The following NKD1 variants were observed in gnomAD, a reference collection of about 807,000 sequenced individuals.
The protein encoded by NKD1 is protein naked cuticle homolog 1.
NKD1 carries 21 observed loss-of-function variants against 56.0 expected under a neutral mutation model. That is an observed-to-expected ratio of 0.38 (90% CI 0.27 to 0.54). The LOEUF is 0.54. Among genes scored for constraint, NKD1 ranks in the 20% least tolerant of loss-of-function variants. The pLI is 0.82. For missense variants in NKD1, 578 were observed against 642.7 expected (o/e 0.90, Z 1.09); for synonymous variants, 263 against 265.7 (o/e 0.99, Z 0.10).
At chr16:50,568,369 G>T (rs1960809053) in intron 3 of NKD1, among the ~76,000 whole-genome samples, 1 of 152,232 alleles carries the variant, frequency 6.6e-6, no homozygotes, top group Non-Finnish European at 1.5e-5. Flanking sequence ...GCCCCAGCTG[G>T]AGACACAGGA....
rs755243322 is a variant in NKD1 at position 50,549,499 on chromosome 16, G to A, written c.136G>A (p.Gly46Ser). The A allele has an allele frequency of 1.2e-5, 20 of 1,608,648 alleles. No homozygotes were observed. The highest frequency in any genetic ancestry group is 3.4e-5 in the Admixed American group (2 of 59,618). ...GATCGGGAGACAGCGCTGCCCGGGC[G>A]GTGTCTCGGGACCCCGACAGCTGCG... ...EWIGRQRCPG[G>S]VSGPRQLRLA... Residue 46 changes from glycine to serine, a missense_variant, in exon 3 of 10, where the codon GGT becomes AGT. Gly to Ser is a moderately conservative substitution (Grantham distance 56, BLOSUM62 0). Transcript: ENST00000268459.
chr16:50,626,644 C>T (rs144139714), intron 6 of NKD1, among the ~76,000 whole-genome samples: 332 of 152,306 alleles, frequency 2.2e-3, no homozygotes, highest in Non-Finnish European at 3.7e-3. Flanking sequence ...GCCTTGGAGG[C>T]CCTGGCAGGC....
intron 4 of NKD1, among the ~76,000 whole-genome samples, chr16:50,613,375 G>T (rs545661966): frequency 1.1e-4 from 17 of 152,210 alleles, no homozygotes; most frequent in Admixed American, 2.6e-4. Flanking sequence ...CAGGGCTGGC[G>T]GTGGCTTCCC....
chr16:50,608,661 A>C (rs1449361571), intron 4 of NKD1, among the ~76,000 whole-genome samples: 1 of 152,148 alleles, frequency 6.6e-6, no homozygotes, highest in East Asian at 1.9e-4. Flanking sequence ...TCCTCTGGGG[A>C]TAATAAGAGT....
chr16:50,633,494 C>T lies in NKD1; in HGVS notation c.1126C>T (p.Pro376Ser). 1 of 1,610,390 alleles carries T rather than the reference C, an allele frequency of 6.2e-7. No individual in the cohort carries two copies. Among genetic ancestry groups the T allele is most frequent in the Non-Finnish European group, 8.5e-7 (1 of 1,178,622 alleles). ...CAAGCCCCCTCTGGGACCCGCCATC[C>T]CTGCGGTGTCCCCCTCCGCCCACCT... The part of the protein sequence containing the change: ...RNKPPLGPAI[P>S]AVSPSAHLAA... Residue 376 changes from proline to serine, a missense_variant, in exon 10 of 10, where the codon CCT becomes TCT. Transcript: ENST00000268459. This position sits in a 1 kb window ranked among gnomAD's most constrained non-coding sequence, Gnocchi z 4.9.
In NKD1 at chr16:50,646,495, C is replaced by G. The variant is rs1021507308; in HGVS notation, c.*12714C>G. On this transcript the variant is annotated 3_prime_UTR_variant, in exon 10 of 10. Coordinates refer to ENST00000268459, the MANE Select transcript of NKD1 (RefSeq NM_033119.5). Reference sequence around the variant, plus strand: ...TGGGAGACATGGCGTGGGGAGGAGGCGGCCTTGTGGCAGGTGCTGGGAGGC... The same window carrying G: ...TGGGAGACATGGCGTGGGGAGGAGGGGGCCTTGTGGCAGGTGCTGGGAGGC... 1 of 152,174 alleles carries G rather than the reference C, an allele frequency of 6.6e-6. No homozygotes were observed. Among genetic ancestry groups the G allele is most frequent in the East Asian group, 1.9e-4 (1 of 5,180 alleles). The allele number at this position is 152,174 out of a possible 1,614,324, so 9.4% of individuals were successfully genotyped here. A position where few individuals can be genotyped will look rare whatever the true frequency, so the allele number is the denominator to read the frequency against.
chr16:50,637,917 T>G lies in NKD1; in HGVS notation c.*4136T>G, dbSNP rs531923495. On this transcript the variant is annotated 3_prime_UTR_variant, in exon 10 of 10. Transcript: ENST00000268459. ...TTTAAGGCAGACAGCCAGGTGAGGA[T>G]CCCAGCTACTGGGGCCTGCTGTCAT... 3 of 152,304 alleles carry G rather than the reference T, an allele frequency of 2.0e-5. No homozygotes were observed. The South Asian group carries it at 6.2e-4, about 32-fold the overall frequency. The allele number at this position is 152,304 out of a possible 1,614,324, so 9.4% of individuals were successfully genotyped here. A position where few individuals can be genotyped will look rare whatever the true frequency, so the allele number is the denominator to read the frequency against.
intron 3 of NKD1, among the ~76,000 whole-genome samples, chr16:50,581,034 A>C (rs983138161): frequency 8.5e-5 from 13 of 152,216 alleles, no homozygotes; most frequent in Admixed American, 7.2e-4. Flanking sequence ...TTCTTCATGG[A>C]GATGAAGAGT....
In NKD1 at chr16:50,635,662, A is replaced by C. The variant is rs1414702879; in HGVS notation, c.*1881A>C. The stretch of plus-strand genomic sequence containing the variant: ...AATCCTTAGGACAGCCCCATGAGGC[A>C]GCTTGGTGGCAGCTCAGGAAGCATG... On this transcript the variant is annotated 3_prime_UTR_variant, in exon 10 of 10. Coordinates refer to ENST00000268459, the MANE Select transcript of NKD1 (RefSeq NM_033119.5). The surrounding 1 kb of genome is among the most constrained non-coding windows in gnomAD (Gnocchi z 4.1). 6.6e-6 allele frequency: 1 copy of C among 152,240 alleles called. No homozygotes were observed. Among genetic ancestry groups the C allele is most frequent in the Non-Finnish European group, 1.5e-5 (1 of 68,046 alleles). 9.4% of individuals were successfully genotyped at this position (152,240 alleles called of 1,614,324 possible).
rs1301048812 is a variant in NKD1 at position 50,645,049 on chromosome 16, C to T, written c.*11268C>T. On this transcript the variant is annotated 3_prime_UTR_variant, in exon 10 of 10. Coordinates refer to ENST00000268459, the MANE Select transcript of NKD1 (RefSeq NM_033119.5). ...GCACTTCCTGCCCAGAAAGGACCTG[C>T]TCAGGCCTGGCTGGCCTTTACCACC... is the stretch of plus-strand genomic sequence containing the variant. 1.3e-5 allele frequency: 2 copies of T among 152,270 alleles called. No homozygotes were observed. The highest frequency in any genetic ancestry group is 1.9e-4 in the East Asian group (1 of 5,194). The allele number at this position is 152,270 out of a possible 1,614,324, so 9.4% of individuals were successfully genotyped here.
rs766526219 is a variant in NKD1 at position 50,630,329 on chromosome 16, G to C, written c.606G>C (p.Gln202His). 5 of 1,613,966 alleles carry C rather than the reference G, an allele frequency of 3.1e-6. No individual in the cohort carries two copies. Among genetic ancestry groups the C allele is most frequent in the Admixed American group, 1.7e-5 (1 of 60,006 alleles). ...GCAAGAGGAGCGTCCTTGTCAATCA[G>C]GCTGGTGAGGGCTGCAGGGCTGAGC... ...SQSKRSVLVN[Q>H]ADLQSARPRA... The change falls in exon 7 of 10, where the codon CAG (glutamine) becomes CAC (histidine). Residue 202 changes from glutamine to histidine, a missense_variant. Gln to His is a conservative substitution (Grantham distance 24). Transcript: ENST00000268459.
chr16:50,548,542 C>T lies in NKD1; in HGVS notation c.-12C>T, dbSNP rs1269343273. The T allele has an allele frequency of 1.4e-6, 2 of 1,465,904 alleles. No individual in the cohort carries two copies. Among genetic ancestry groups the T allele is most frequent in the South Asian group, 1.3e-5 (1 of 77,598 alleles). The allele number at this position is 1,465,904 out of a possible 1,614,324, so 90.8% of individuals were successfully genotyped here. A position where few individuals can be genotyped will look rare whatever the true frequency, so the allele number is the denominator to read the frequency against. On this transcript the variant is annotated 5_prime_UTR_variant, in exon 1 of 10. Transcript: ENST00000268459. The stretch of plus-strand genomic sequence containing the variant: ...ATGGCTTAGGGACGCTCCCGGCCGC[C>T]GCAGCCCCAGCATGGGGAAACTTCA...
intron 3 of NKD1, among the ~76,000 whole-genome samples, chr16:50,577,964 T>C (rs1243102465): frequency 6.6e-6 from 1 of 152,232 alleles, no homozygotes; most frequent in Non-Finnish European, 1.5e-5. Flanking sequence ...TCTTGACCCA[T>C]GTATTCTTCT....
At chr16:50,599,392 C>T (rs745516788) in intron 3 of NKD1, among the ~76,000 whole-genome samples, 1 of 152,126 alleles carries the variant, frequency 6.6e-6, no homozygotes, top group Non-Finnish European at 1.5e-5. Context: ...CTCATTTGTA[C>T]AAAGTCACAC....
At chr16:50,550,342 A>T (rs983843241) in intron 3 of NKD1, among the ~76,000 whole-genome samples, 2 of 151,314 alleles carry the variant, frequency 1.3e-5, no homozygotes, top group African/African-American at 4.8e-5. Context: ...CAACTTTTTG[A>T]TGTGACATTT....
At chr16:50,562,989 C>CCCCCCG (rs1960672628) in intron 3 of NKD1, among the ~76,000 whole-genome samples, 1 of 119,592 alleles carries the variant, frequency 8.4e-6, no homozygotes, top group South Asian at 3.0e-4. Flanking sequence ...CACCACCACC[C>CCCCCCG]CCCCCCCCCG....
intron 3 of NKD1, among the ~76,000 whole-genome samples, chr16:50,563,085 G>A (rs1960678189): frequency 6.8e-6 from 1 of 147,666 alleles, no homozygotes; most frequent in Admixed American, 7.2e-5. Flanking sequence ...GAAATGTTCT[G>A]TGTCTGCATT....
intron 3 of NKD1, chr16:50,574,642 G>A (rs534260748): frequency 3.0e-5 from 30 of 985,412 alleles, no homozygotes; most frequent in East Asian, 1.1e-4. Flanking sequence ...TGCCTGGGGC[G>A]TGCCAGGAGC....
chr16:50,574,718 G>T (rs570738342), intron 3 of NKD1: 2 of 985,422 alleles, frequency 2.0e-6, no homozygotes, highest in East Asian at 2.3e-4. Context: ...TGAGGGAGGC[G>T]CTTGGGTTTT....
Sources: allele counts gnomAD v4.1 joint callset (sites outside exome capture counted in the v4.1 genomes callset), GRCh38; gene constraint gnomAD v4.1.1; non-coding constraint Gnocchi (gnomAD v3.1); transcripts MANE v1.5; gene names NCBI Gene and HGNC (gene_info 2026-07-23, HGNC 2026-07-21).